TRIM23: variants seen among roughly 807,000 people sequenced by gnomAD.
TRIM23 encodes the protein E3 ubiquitin-protein ligase TRIM23.
Under a neutral mutation model 71.0 loss-of-function variants are expected in TRIM23, and 27 were observed. The observed-to-expected ratio is 0.38, with a 90% CI of 0.28 to 0.52. The LOEUF (loss-of-function observed/expected upper bound fraction) is 0.52, where lower values mean the gene tolerates loss of function less well. TRIM23 is among the 20% of genes least tolerant of loss of function. TRIM23 has a pLI of 0.84. For synonymous variants in TRIM23, 234 were observed against 238.0 expected (o/e 0.98, Z 0.16); for missense variants, 482 against 692.3 (o/e 0.70, Z 3.41).
Position 65,589,954 on chromosome 5 carries a change from AC to A in TRIM23, c.*1814del, listed in dbSNP as rs1276219336. 1.6e-5 allele frequency: 3 copies of A among 186,338 alleles called. No individual in the cohort carries two copies. Among genetic ancestry groups the A allele is most frequent in the Non-Finnish European group, 3.4e-5 (3 of 89,504 alleles). The allele number at this position is 186,338 out of a possible 1,614,324, so 11.5% of individuals were successfully genotyped here. The stretch of plus-strand genomic sequence containing the variant: ...AACTAATGATTAGTGAAATAATACA[AC>A]CACAAATAGTAATAGGAGCTTGAGA... On this transcript the variant is annotated 3_prime_UTR_variant, in exon 11 of 11. Transcript: ENST00000231524.
chr5:65,616,111 AG>A (rs1754772476), intron 2 of TRIM23, among the ~76,000 whole-genome samples: 1 of 152,238 alleles, frequency 6.6e-6, no homozygotes, highest in African/African-American at 2.4e-5. Flanking sequence ...TAAGAGGGCA[AG>A]GAAGTGTAAT....
Position 65,611,057 on chromosome 5 carries a change from C to A in TRIM23, c.646-14G>T. The A allele has an allele frequency of 6.3e-7, 1 of 1,591,370 alleles. No individual in the cohort carries two copies. The highest frequency in any genetic ancestry group is 1.2e-5 in the South Asian group (1 of 86,232). ...CAATACTGAATGCTATAAAATGTACCATAATTAGAGAAAAGAACTCATAGT... is the reference window on the plus strand; with the variant it reads ...CAATACTGAATGCTATAAAATGTACAATAATTAGAGAAAAGAACTCATAGT... On this transcript the variant is annotated splice_polypyrimidine_tract_variant and intron_variant, in intron 4 of 10. Coordinates refer to ENST00000231524, the MANE Select transcript of TRIM23 (RefSeq NM_001656.4).
At chr5:65,599,053 A>C (rs1754288282) in intron 7 of TRIM23, among the ~76,000 whole-genome samples, 1 of 152,198 alleles carries the variant, frequency 6.6e-6, no homozygotes, top group South Asian at 2.1e-4. Context: ...ATAAAGAACA[A>C]GAAGATGCCC....
intron 7 of TRIM23, 112 bp from the exon 8 acceptor site, chr5:65,597,292 A>G: frequency 9.1e-7 from 1 of 1,101,944 alleles, no homozygotes; most frequent in Non-Finnish European, 1.3e-6. Flanking sequence ...TGCAATCTGA[A>G]TTGTATTCCT....
In TRIM23 at chr5:65,591,667, G is replaced by T; in HGVS notation, c.*102C>A. 22 of 507,978 alleles carry T rather than the reference G, an allele frequency of 4.3e-5. No homozygotes were observed. The highest frequency in any genetic ancestry group is 5.8e-5 in the Non-Finnish European group (21 of 360,424). The allele number at this position is 507,978 out of a possible 1,614,324, so 31.5% of individuals were successfully genotyped here. A position where few individuals can be genotyped will look rare whatever the true frequency, so the allele number is the denominator to read the frequency against. ...CCTTTATATATATATATATATATAT[G>T]CATCCTAAATTACCATCTTTTGAGA... On this transcript the variant is annotated 3_prime_UTR_variant, in exon 11 of 11. Transcript: ENST00000231524.
At position 65,611,776 on chromosome 5, in the gene TRIM23, T is replaced by C; in HGVS notation, c.472A>G (p.Lys158Glu). The change falls in exon 4 of 11, where the codon AAG becomes GAG. Residue 158 changes from lysine (K) to glutamate (E), a missense_variant. Around this residue, in one of 2 missense-constraint regions of TRIM23, gnomAD observed 175 missense variants for 196.5 expected, o/e 0.89. Transcript: ENST00000231524. ...ACTCGCCTGTGCTTTGCTAATGTCT[T>C]TGTAGAATGAGTAACTTGAGAACAC... Reference protein sequence around the residue: ...SECSQVTHSTKTLAKHRRVPL... With the variant: ...SECSQVTHSTETLAKHRRVPL... 1 of 1,614,128 alleles carries C rather than the reference T, an allele frequency of 6.2e-7. No individual in the cohort carries two copies. The highest frequency in any genetic ancestry group is 8.5e-7 in the Non-Finnish European group (1 of 1,180,020).
At chr5:65,616,831 C>G (rs1754790445) in intron 2 of TRIM23, among the ~76,000 whole-genome samples, 1 of 151,806 alleles carries the variant, frequency 6.6e-6, no homozygotes, top group African/African-American at 2.4e-5. Context: ...AAGCGATTCT[C>G]CTGCCTCAGC....
chr5:65,614,208 C>T lies in TRIM23; in HGVS notation c.256G>A (p.Val86Ile). Residue 86 changes from valine (V) to isoleucine (I), a missense_variant, in exon 3 of 11, where the codon GTC becomes ATC. By Grantham distance (29) the Val-to-Ile change is conservative. This residue lies in a region of TRIM23 where 175 missense variants were observed against 196.5 expected (regional missense o/e 0.89). Transcript: ENST00000231524. Reference sequence around the variant, plus strand: ...GCAAAATTTTTTTTCAATCCCCAGACACCTGAATCACCTAGAATAAATATA... The same window carrying T: ...GCAAAATTTTTTTTCAATCCCCAGATACCTGAATCACCTAGAATAAATATA... ...RQVTDLGDSG[V>I]WGLKKNFALL... 6.2e-7 allele frequency: 1 copy of T among 1,613,152 alleles called. No individual in the cohort carries two copies. The highest frequency in any genetic ancestry group is 8.5e-7 in the Non-Finnish European group (1 of 1,179,224).
At chr5:65,616,073 T>C (rs1754770815) in intron 2 of TRIM23, among the ~76,000 whole-genome samples, 2 of 152,212 alleles carry the variant, frequency 1.3e-5, no homozygotes, top group Non-Finnish European at 2.9e-5. Context: ...TACATTTCAC[T>C]GATCAATGAA....
chr5:65,600,996 G>A (rs1017160559), intron 7 of TRIM23, among the ~76,000 whole-genome samples: 1 of 152,218 alleles, frequency 6.6e-6, no homozygotes, highest in Admixed American at 6.5e-5. Context: ...AATAACAAGT[G>A]TTGGTGAAAA....
Position 65,611,899 on chromosome 5 carries a change from A to G in TRIM23, c.367-18T>C, listed in dbSNP as rs112057123. On this transcript the variant is annotated intron_variant, in intron 3 of 10. Coordinates refer to ENST00000231524, the MANE Select transcript of TRIM23 (RefSeq NM_001656.4). ...ATGATGCTCTGATAAACAAAAAATT[A>G]ATGCCTTAAAATTGAACCCAATCAG... The G allele has an allele frequency of 7.5e-6, 12 of 1,600,320 alleles. 2 individuals are homozygous for G. In the African/African-American group the frequency reaches 1.3e-4, roughly 18 times the overall value.
At chr5:65,600,117 C>T (rs1754321274) in intron 7 of TRIM23, among the ~76,000 whole-genome samples, 1 of 152,120 alleles carries the variant, frequency 6.6e-6, no homozygotes, top group African/African-American at 2.4e-5. Flanking sequence ...CATGAGAACT[C>T]ACCTATTATG....
At chr5:65,609,093 G>A in intron 6 of TRIM23, 150 bp downstream of exon 6, 2 of 767,810 alleles carry the variant, frequency 2.6e-6, no homozygotes, top group South Asian at 3.7e-5. Context: ...CCATACTAGT[G>A]AAATAATTCA....
intron 2 of TRIM23, among the ~76,000 whole-genome samples, chr5:65,615,573 G>A (rs971680776): frequency 6.7e-6 from 1 of 150,372 alleles, no homozygotes; most frequent in African/African-American, 2.4e-5. Flanking sequence ...CAAAAAAACT[G>A]GACTGAACAT....
At position 65,591,175 on chromosome 5, in the gene TRIM23, A is replaced by G. The variant is rs1754012025; in HGVS notation, c.*594T>C. 9.0e-7 allele frequency: 1 copy of G among 1,113,288 alleles called. No individual in the cohort carries two copies. The highest frequency in any genetic ancestry group is 5.5e-5 in the Admixed American group (1 of 18,266). 69.0% of individuals were successfully genotyped at this position (1,113,288 alleles called of 1,614,324 possible). On this transcript the variant is annotated 3_prime_UTR_variant, in exon 11 of 11. Transcript: ENST00000231524. ...TGTAGGAGAAAGTTAATAAAACACT[A>G]TATAAAGTATTAATTTTCTGTACCT...
chr5:65,602,908 T>C (rs1011527582), intron 7 of TRIM23, among the ~76,000 whole-genome samples: 1 of 152,184 alleles, frequency 6.6e-6, no homozygotes, highest in African/African-American at 2.4e-5. Flanking sequence ...TTCTGGGAGA[T>C]ACAATTCAAA....
chr5:65,617,425 C>A (rs753100564), intron 2 of TRIM23, among the ~76,000 whole-genome samples: 1 of 152,128 alleles, frequency 6.6e-6, no homozygotes, highest in African/African-American at 2.4e-5. Context: ...CAACCTTAAA[C>A]TCTTTTGGAG....
Position 65,609,245 on chromosome 5 carries a change from G to A in TRIM23, c.1042C>T (p.Gln348Ter). 1 of 1,614,078 alleles carries A rather than the reference G, an allele frequency of 6.2e-7. No homozygotes were observed. The change falls in exon 6 of 11, where the codon CAG becomes TAG. Residue 348 changes from glutamine (Q) to a stop codon, truncating the protein, a stop_gained and splice_region_variant. Coordinates refer to ENST00000231524, the MANE Select transcript of TRIM23 (RefSeq NM_001656.4). LOFTEE classifies it high-confidence loss of function. ...ACLHCEKTLQQDDCRVVLAKQ... is the reference protein window; with the variant it reads ...ACLHCEKTLQ ...CTAACCACATTTAAACTACCTACCT[G>A]CTGCAAAGTCTTTTCACAGTGGAGG...
At chr5:65,613,319 T>A (rs1341031351) in intron 3 of TRIM23, among the ~76,000 whole-genome samples, 1 of 152,216 alleles carries the variant, frequency 6.6e-6, no homozygotes, top group East Asian at 1.9e-4. Context: ...GAAATTCATT[T>A]CACTGATTCA....
Sources: gnomAD v4.1 joint callset for allele counts (sites outside exome capture counted in the v4.1 genomes callset) on GRCh38, gnomAD v4.1.1 for gene constraint, gnomAD v4.1.1 regional missense constraint, MANE v1.5 for transcripts, NCBI Gene and HGNC (gene_info 2026-07-23, HGNC 2026-07-21) for gene names.